Variants in SORCS2 observed in about 807,000 individuals in gnomAD.
The protein encoded by SORCS2 is sortilin related VPS10 domain containing receptor 2, also known as VPS10 domain-containing receptor SorCS2.
SORCS2 carries 100 observed loss-of-function variants against 141.6 expected under a neutral mutation model. The observed-to-expected ratio is 0.71, with a 90% CI of 0.60 to 0.83. The LOEUF is 0.83. Ranked by LOEUF, SORCS2 falls within the 40% of genes least tolerant of loss-of-function variation. The probability of loss-of-function intolerance (pLI) is 0.00; values close to 1 mark genes in which losing one functional copy is unlikely to be tolerated. For missense variants in SORCS2, 1,646 were observed against 1,560.2 expected (o/e 1.05, Z -0.93); for synonymous variants, 789 against 676.9 (o/e 1.17, Z -2.57).
intron 1 of SORCS2, among the ~76,000 whole-genome samples, chr4:7,276,028 G>C (rs1715477003): frequency 6.6e-6 from 1 of 152,172 alleles, no homozygotes; most frequent in Non-Finnish European, 1.5e-5. Context: ...GAGTTGCTCT[G>C]CTCATAATGC....
At chr4:7,729,892 C>A (rs868681401) in intron 23 of SORCS2, among the ~76,000 whole-genome samples, 180 bp downstream of exon 23, 1 of 152,156 alleles carries the variant, frequency 6.6e-6, no homozygotes, top group Non-Finnish European at 1.5e-5. Flanking sequence ...CTGGAAGTCA[C>A]ACAGCCTCTA....
At chr4:7,734,808 C>T (rs183231026) in intron 25 of SORCS2, among the ~76,000 whole-genome samples, 86 of 152,342 alleles carry the variant, frequency 5.6e-4, no homozygotes, top group African/African-American at 1.9e-3. Flanking sequence ...CTCGGCCGCC[C>T]GCCCATCCCT....
intron 1 of SORCS2, among the ~76,000 whole-genome samples, chr4:7,323,598 G>T (rs1719044512): frequency 1.3e-5 from 2 of 152,118 alleles, no homozygotes; most frequent in Admixed American, 1.3e-4. Context: ...GTCTGTGGGG[G>T]TTGAGGGCTG....
At chr4:7,535,431 C>T (rs1712040151) in intron 3 of SORCS2, among the ~76,000 whole-genome samples, 1 of 152,232 alleles carries the variant, frequency 6.6e-6, no homozygotes, top group Non-Finnish European at 1.5e-5. Context: ...GGGCCTGTTC[C>T]TGGGTCTGAG....
chr4:7,598,477 C>T (rs1436738996), intron 3 of SORCS2, among the ~76,000 whole-genome samples: 1 of 152,178 alleles, frequency 6.6e-6, no homozygotes, highest in East Asian at 1.9e-4. Context: ...CCCCTTCTCC[C>T]TCCGCTGTGA....
intron 7 of SORCS2, among the ~76,000 whole-genome samples, chr4:7,665,600 C>T (rs1437930056): frequency 6.6e-6 from 1 of 152,190 alleles, no homozygotes; most frequent in Non-Finnish European, 1.5e-5. Flanking sequence ...AGACCCCCAG[C>T]CCTGTGCCTT....
chr4:7,678,965 G>A (rs1458148309), intron 9 of SORCS2, among the ~76,000 whole-genome samples: 1 of 152,186 alleles, frequency 6.6e-6, no homozygotes, highest in Non-Finnish European at 1.5e-5. Context: ...CTATTAAACA[G>A]GCAGAGCAGC....
At chr4:7,215,050 C>T (rs2108750737) in intron 1 of SORCS2, among the ~76,000 whole-genome samples, 1 of 152,232 alleles carries the variant, frequency 6.6e-6, no homozygotes, top group East Asian at 1.9e-4. Context: ...CCCTTCAGCC[C>T]ACCGCTGCAC....
At chr4:7,720,068 C>T (rs1047027136) in intron 18 of SORCS2, among the ~76,000 whole-genome samples, 14 of 152,186 alleles carry the variant, frequency 9.2e-5, no homozygotes, top group African/African-American at 3.4e-4. Context: ...CACAGACACA[C>T]ACATGCTTAC....
At chr4:7,241,271 C>A (rs566489752) in intron 1 of SORCS2, among the ~76,000 whole-genome samples, 8 of 152,180 alleles carry the variant, frequency 5.3e-5, no homozygotes, top group African/African-American at 1.4e-4. Context: ...TGGGGCTTGG[C>A]TGGTGGGCAG....
intron 2 of SORCS2, among the ~76,000 whole-genome samples, chr4:7,476,279 C>T (rs540040046): frequency 3.5e-4 from 53 of 152,318 alleles, no homozygotes; most frequent in South Asian, 1.0e-3. Flanking sequence ...GAACTTGGCT[C>T]ATGCAATTGT....
chr4:7,288,812 G>T (rs372757047), intron 1 of SORCS2, among the ~76,000 whole-genome samples: 49 of 149,070 alleles, frequency 3.3e-4, no homozygotes, highest in African/African-American at 9.8e-4. Flanking sequence ...GTTGGGGAGG[G>T]CACAGTTCAG....
chr4:7,343,794 A>C (rs1285093885), intron 1 of SORCS2, among the ~76,000 whole-genome samples: 1 of 152,214 alleles, frequency 6.6e-6, no homozygotes, highest in African/African-American at 2.4e-5. Context: ...AGATGGGGGC[A>C]GCTCTCCACA....
At position 7,201,806 on chromosome 4, in the gene SORCS2, C is replaced by T. The variant is rs956047745; in HGVS notation, c.480+8680C>T. 2.0e-5 allele frequency among the ~76,000 whole-genome samples: 3 copies of T among 152,012 alleles called. No homozygotes were observed. The highest frequency in any genetic ancestry group is 4.8e-5 in the African/African-American group (2 of 41,362). On this transcript the variant is annotated intron_variant, in intron 1 of 26. Coordinates refer to ENST00000507866, the MANE Select transcript of SORCS2 (RefSeq NM_020777.3). The surrounding 1 kb of genome is among the most constrained non-coding windows in gnomAD (Gnocchi z 4.4). Reference sequence around the variant, plus strand: ...GGTGCTCTGTGGATTGCAGGGATGCCGATGACCTGAGAAGCCTGGCTGTGC... The same window carrying T: ...GGTGCTCTGTGGATTGCAGGGATGCTGATGACCTGAGAAGCCTGGCTGTGC...
At chr4:7,739,615 G>A (rs950908708) in intron 26 of SORCS2, among the ~76,000 whole-genome samples, 9 of 152,126 alleles carry the variant, frequency 5.9e-5, no homozygotes, top group Admixed American at 2.6e-4. Context: ...AAGGATGGGC[G>A]AGGACTCAGG....
At chr4:7,481,983 T>C (rs550965691) in intron 2 of SORCS2, among the ~76,000 whole-genome samples, 1 of 96,708 alleles carries the variant, frequency 1.0e-5, no homozygotes, top group Non-Finnish European at 2.1e-5. Flanking sequence ...CAGACCTGTA[T>C]CCCCACTGCG....
chr4:7,712,659 G>A lies in SORCS2; in HGVS notation c.1869-74G>A, dbSNP rs530676515. On this transcript the variant is annotated intron_variant, in intron 14 of 26. Coordinates refer to ENST00000507866, the MANE Select transcript of SORCS2 (RefSeq NM_020777.3). The stretch of plus-strand genomic sequence containing the variant: ...TACAGGTAGGAACAGAGTCCAGAGG[G>A]GACATGATTTGCACAGTAGGACAAG... The A allele has an allele frequency of 7.6e-5, 121 of 1,591,186 alleles. No individual in the cohort carries two copies. In the South Asian group the frequency reaches 1.2e-3, roughly 16 times the overall value.
intron 2 of SORCS2, among the ~76,000 whole-genome samples, chr4:7,448,310 C>T (rs1446784028): frequency 6.6e-6 from 1 of 152,002 alleles, no homozygotes; most frequent in Non-Finnish European, 1.5e-5. Context: ...GTGCTTAGGG[C>T]CCTGCGCCGG....
intron 2 of SORCS2, among the ~76,000 whole-genome samples, chr4:7,413,615 TGGCCTCAGGTAATCTGCCTGCCTC>T (rs1210976820): frequency 6.6e-6 from 1 of 152,168 alleles, no homozygotes; most frequent in Non-Finnish European, 1.5e-5. Flanking sequence ...CTCAAACTCT[TGGCCTCAGGTAATCTGCCTGCCTC>T]GGCCTCCCAA....
Sources: gnomAD v4.1 joint callset for allele counts (sites outside exome capture counted in the v4.1 genomes callset) on GRCh38, gnomAD v4.1.1 for gene constraint, Gnocchi (gnomAD v3.1) non-coding constraint, MANE v1.5 for transcripts, NCBI Gene and HGNC (gene_info 2026-07-23, HGNC 2026-07-21) for gene names.